MEF2A: variants seen among roughly 807,000 people sequenced by gnomAD.
The protein encoded by MEF2A is myocyte enhancer factor 2A.
In MEF2A, 28 loss-of-function variants were observed where a neutral mutation model predicts 55.8. That is an observed-to-expected ratio of 0.50 (90% CI 0.37 to 0.69). The LOEUF is 0.69. Ranked by LOEUF, MEF2A falls within the 30% of genes least tolerant of loss-of-function variation. The pLI is 0.00. For synonymous variants in MEF2A, 239 were observed against 227.1 expected (o/e 1.05, Z -0.47); for missense variants, 528 against 626.2 (o/e 0.84, Z 1.67).
At chr15:99,602,656 GTGTGTGTGT>G (rs1973561799) in intron 2 of MEF2A, among the ~76,000 whole-genome samples, 26 of 83,168 alleles carry the variant, frequency 3.1e-4, no homozygotes, top group African/African-American at 1.5e-3. Context: ...TTCCTGGGGT[GTGTGTGTGT>G]GTGTGTGTGT....
chr15:99,645,505 C>G, intron 3 of MEF2A, 56 bp from the exon 4 acceptor site: 20 of 1,251,918 alleles, frequency 1.6e-5, no homozygotes, highest in Non-Finnish European at 1.8e-5. Flanking sequence ...TTCAGATAGC[C>G]CATATTCAAG....
At chr15:99,661,355 G>A (rs2048597530) in intron 4 of MEF2A, among the ~76,000 whole-genome samples, 1 of 148,676 alleles carries the variant, frequency 6.7e-6, no homozygotes. Context: ...TGGATAACTG[G>A]AAAGGAAAAA....
At chr15:99,605,692 G>A (rs1195303368) in intron 2 of MEF2A, among the ~76,000 whole-genome samples, 4 of 151,774 alleles carry the variant, frequency 2.6e-5, no homozygotes, top group East Asian at 3.9e-4. Flanking sequence ...AAAAGGGGCT[G>A]GGTGCAGTGG....
At chr15:99,585,483 A>T (rs984121214) in intron 1 of MEF2A, among the ~76,000 whole-genome samples, 2 of 152,178 alleles carry the variant, frequency 1.3e-5, no homozygotes, top group African/African-American at 2.4e-5. Flanking sequence ...TAGTTTTTTT[A>T]AAAAATTATA....
At chr15:99,587,381 A>G (rs900695832) in intron 1 of MEF2A, among the ~76,000 whole-genome samples, 1 of 152,194 alleles carries the variant, frequency 6.6e-6, no homozygotes, top group African/African-American at 2.4e-5. Flanking sequence ...TGCAAAGGAC[A>G]TGAACTCATC....
chr15:99,607,909 C>T (rs868070329), intron 2 of MEF2A, among the ~76,000 whole-genome samples: 1 of 152,096 alleles, frequency 6.6e-6, no homozygotes, highest in African/African-American at 2.4e-5. Context: ...TCAAGGTGCC[C>T]TGTGATTATA....
chr15:99,592,712 C>T (rs2012129), intron 1 of MEF2A, among the ~76,000 whole-genome samples: 55,331 of 151,764 alleles, frequency 0.36, 12,332 homozygotes, highest in Non-Finnish European at 0.49. Context: ...GGGGGAGGTA[C>T]TACACTCTTG....
At chr15:99,702,980 A>AT (rs745538025) in intron 8 of MEF2A, among the ~76,000 whole-genome samples, 1 of 152,216 alleles carries the variant, frequency 6.6e-6, no homozygotes, top group Non-Finnish European at 1.5e-5. Flanking sequence ...TAGTAGGGTG[A>AT]TTAAGATACA....
chr15:99,569,193 A>G (rs187171941), intron 1 of MEF2A, among the ~76,000 whole-genome samples: 83 of 152,388 alleles, frequency 5.4e-4, no homozygotes, highest in African/African-American at 1.9e-3. Context: ...AAAATGAGAT[A>G]GAATTACACT....
intron 1 of MEF2A, among the ~76,000 whole-genome samples, chr15:99,595,227 C>T (rs954513039): frequency 2.6e-5 from 4 of 152,122 alleles, no homozygotes; most frequent in African/African-American, 7.2e-5. Flanking sequence ...ACATGTAAAG[C>T]AATTAGTATG....
intron 7 of MEF2A, among the ~76,000 whole-genome samples, chr15:99,687,659 C>G (rs1031732389): frequency 6.6e-6 from 1 of 152,200 alleles, no homozygotes; most frequent in Non-Finnish European, 1.5e-5. Context: ...CCCACAAAGG[C>G]TTTCCTAATT....
intron 4 of MEF2A, among the ~76,000 whole-genome samples, chr15:99,647,332 A>G (rs1361665871): frequency 6.6e-6 from 1 of 152,162 alleles, no homozygotes; most frequent in Non-Finnish European, 1.5e-5. Context: ...ATGTCTCATC[A>G]AAAGTTACAC....
chr15:99,594,795 A>G (rs1259873299), intron 1 of MEF2A, among the ~76,000 whole-genome samples: 1 of 152,198 alleles, frequency 6.6e-6, no homozygotes, highest in Non-Finnish European at 1.5e-5. Context: ...TAGTTCTGGT[A>G]ATTGTCATAT....
In MEF2A at chr15:99,709,472, G is replaced by A. The variant is rs531180502; in HGVS notation, c.1010-1162G>A. On this transcript the variant is annotated intron_variant, in intron 10 of 11. Transcript: ENST00000557942. ...GGCCGGAGGGAGCACTGGGGAAGGC[G>A]TCAGTGTGACGGGTCCTTGCCCCAG... is the stretch of plus-strand genomic sequence containing the variant. 4.6e-5 allele frequency among the ~76,000 whole-genome samples: 7 copies of A among 152,348 alleles called. 1 individual carries two copies. Among genetic ancestry groups the A allele is most frequent in the African/African-American group, 1.2e-4 (5 of 41,580 alleles).
chr15:99,707,332 C>G (rs2099519236), intron 10 of MEF2A, among the ~76,000 whole-genome samples: 1 of 152,164 alleles, frequency 6.6e-6, no homozygotes, highest in Non-Finnish European at 1.5e-5. Context: ...GTCGAACAGG[C>G]TGTTTTCCTC....
intron 1 of MEF2A, among the ~76,000 whole-genome samples, chr15:99,585,183 T>A (rs1019781514): frequency 7.2e-5 from 11 of 152,232 alleles, no homozygotes; most frequent in Admixed American, 3.3e-4. Flanking sequence ...TTTTTTAATA[T>A]TAAATTCAGA....
intron 6 of MEF2A, among the ~76,000 whole-genome samples, 152 bp from the exon 7 acceptor site, chr15:99,675,247 T>C (rs2051726486): frequency 6.6e-6 from 1 of 152,228 alleles, no homozygotes; most frequent in Non-Finnish European, 1.5e-5. Flanking sequence ...GATTACATGT[T>C]AATGCCAACT....
chr15:99,706,894 C>T (rs1284981930), intron 10 of MEF2A, 39 bp downstream of exon 10: 4 of 1,590,654 alleles, frequency 2.5e-6, no homozygotes, highest in South Asian at 1.1e-5. Context: ...TTTTACCGCT[C>T]TCTGTTTTGT....
intron 4 of MEF2A, among the ~76,000 whole-genome samples, chr15:99,667,531 G>GT (rs1017664096): frequency 1.3e-5 from 2 of 152,020 alleles, no homozygotes; most frequent in Admixed American, 6.5e-5. Context: ...CCGTAACATA[G>GT]TTTTTTATAA....
Sources: allele counts gnomAD v4.1 joint callset (sites outside exome capture counted in the v4.1 genomes callset), GRCh38; gene constraint gnomAD v4.1.1; transcripts MANE v1.5; gene names NCBI Gene and HGNC (gene_info 2026-07-23, HGNC 2026-07-21).